KCTD3: variants seen among roughly 807,000 people sequenced by gnomAD.
The protein encoded by KCTD3 is BTB/POZ domain-containing protein KCTD3.
KCTD3 carries 41 observed loss-of-function variants against 85.8 expected under a neutral mutation model. The ratio of observed to expected loss-of-function variants is 0.48; its 90% confidence interval spans 0.37 to 0.62. The LOEUF is 0.62. Ranked by LOEUF, KCTD3 falls within the 20% of genes least tolerant of loss-of-function variation. The pLI is 0.00. For missense variants in KCTD3, 724 were observed against 989.9 expected, an observed-to-expected ratio of 0.73 and a Z score of 3.60; for synonymous variants, 338 against 345.4, an observed-to-expected ratio of 0.98 and a Z score of 0.24.
chr1:215,592,265 C>A (rs907309766), intron 9 of KCTD3, among the ~76,000 whole-genome samples: 2 of 152,092 alleles, frequency 1.3e-5, no homozygotes, highest in African/African-American at 4.8e-5. Context: ...ATGCAGCAAG[C>A]CAGGGGGAAT....
chr1:215,607,138 A>G (rs1655055856), intron 13 of KCTD3, among the ~76,000 whole-genome samples: 1 of 151,970 alleles, frequency 6.6e-6, no homozygotes, highest in Non-Finnish European at 1.5e-5. Flanking sequence ...ACTGTAGAAT[A>G]TGTAACACAT....
At chr1:215,602,041 A>T in intron 11 of KCTD3, 44 bp from the exon 12 acceptor site, 1 of 1,384,764 alleles carries the variant, frequency 7.2e-7, no homozygotes, top group Non-Finnish European at 1.0e-6. Flanking sequence ...TTTTAAATAG[A>T]TATGCTATTT....
intron 10 of KCTD3, among the ~76,000 whole-genome samples, chr1:215,598,768 G>T (rs1183718465): frequency 1.3e-5 from 2 of 152,092 alleles, no homozygotes; most frequent in Non-Finnish European, 2.9e-5. Context: ...TAAATTGACA[G>T]ACACGTCTGA....
At chr1:215,613,751 T>C (rs1655320399) in intron 15 of KCTD3, among the ~76,000 whole-genome samples, 1 of 152,160 alleles carries the variant, frequency 6.6e-6, no homozygotes, top group Admixed American at 6.6e-5. Flanking sequence ...ATTTATTGAA[T>C]AGGGAGTCTT....
chr1:215,573,964 G>T, intron 2 of KCTD3, 109 bp from the exon 3 acceptor site: 2 of 970,434 alleles, frequency 2.1e-6, no homozygotes, highest in Non-Finnish European at 1.5e-6. Flanking sequence ...TTTTGAACTT[G>T]GAAGATAGAT....
chr1:215,603,590 C>T (rs1206180722), intron 12 of KCTD3, among the ~76,000 whole-genome samples: 2 of 152,124 alleles, frequency 1.3e-5, no homozygotes, highest in Non-Finnish European at 2.9e-5. Flanking sequence ...ATATTTAATG[C>T]TTGATTATTT....
In KCTD3 at chr1:215,573,794, C is replaced by G; in HGVS notation, c.92C>G (p.Thr31Ser). Reference sequence around the variant, plus strand: ...ATGATTTTTAATTGCAGATTTAGTACCTCAAGACAAACTCTTATGTGGATT... The same window carrying G: ...ATGATTTTTAATTGCAGATTTAGTAGCTCAAGACAAACTCTTATGTGGATT... ...QLNVGGTRFSTSRQTLMWIPD... is the reference protein window; with the variant it reads ...QLNVGGTRFSSSRQTLMWIPD... The change falls in exon 2 of 18, where the codon ACC (threonine) becomes AGC (serine). Residue 31 changes from threonine to serine, a missense_variant. This residue lies in a region of KCTD3 where 97 missense variants were observed against 115.7 expected (regional missense o/e 0.84). Coordinates refer to ENST00000259154, the MANE Select transcript of KCTD3 (RefSeq NM_016121.5). The G allele has an allele frequency of 6.4e-7, 1 of 1,572,624 alleles. No individual in the cohort carries two copies. The highest frequency in any genetic ancestry group is 8.7e-7 in the Non-Finnish European group (1 of 1,148,970).
chr1:215,620,290 C>A lies in KCTD3; in HGVS notation c.2120C>A (p.Ser707Tyr), dbSNP rs772849762. ...VKGATGECNI[S>Y]ERKSPGVEIK... ...GGGGCAACAGGGGAATGTAATATAT[C>A]TGAGAGAAAGTCTCCTGGAGTAGAA... Residue 707 changes from serine (S) to tyrosine (Y), a missense_variant, in exon 18 of 18, where the codon TCT (serine) becomes TAT (tyrosine). By Grantham distance (144) the Ser-to-Tyr change is moderately radical (BLOSUM62 -2). This residue lies in a region of KCTD3 where 222 missense variants were observed against 217.7 expected (regional missense o/e 1.02). Transcript: ENST00000259154. 2 of 1,613,874 alleles carry A rather than the reference C, an allele frequency of 1.2e-6. No homozygotes were observed. The highest frequency in any genetic ancestry group is 3.3e-5 in the Admixed American group (2 of 59,992).
intron 9 of KCTD3, among the ~76,000 whole-genome samples, chr1:215,589,113 A>T (rs1042533216): frequency 5.9e-5 from 9 of 152,116 alleles, no homozygotes; most frequent in African/African-American, 2.2e-4. Context: ...TTTATTTAAA[A>T]TACTTAATTT....
At chr1:215,573,685 A>C (rs920190880) in intron 1 of KCTD3, 101 bp from the exon 2 acceptor site, 1 of 693,380 alleles carries the variant, frequency 1.4e-6, no homozygotes, top group Non-Finnish European at 2.5e-6. Flanking sequence ...TAACTATAAA[A>C]CATCTTGTAA....
At chr1:215,577,249 T>A (rs1229767370) in intron 4 of KCTD3, among the ~76,000 whole-genome samples, 3 of 152,076 alleles carry the variant, frequency 2.0e-5, no homozygotes, top group Non-Finnish European at 4.4e-5. Flanking sequence ...TAGATCATGC[T>A]CGCAGGGAAT....
intron 9 of KCTD3, among the ~76,000 whole-genome samples, chr1:215,591,417 GCGTGATCA>G (rs1269774224): frequency 6.6e-6 from 1 of 151,518 alleles, no homozygotes; most frequent in East Asian, 2.0e-4. Context: ...GAGTGCAGTG[GCGTGATCA>G]TGGCTGACTG....
At chr1:215,588,682 A>G (rs1364005830) in intron 9 of KCTD3, among the ~76,000 whole-genome samples, 1 of 152,148 alleles carries the variant, frequency 6.6e-6, no homozygotes, top group Non-Finnish European at 1.5e-5. Flanking sequence ...ATGCATTCAC[A>G]TAAAGGATTT....
chr1:215,619,213 C>T lies in KCTD3; in HGVS notation c.1808C>T (p.Thr603Ile). The T allele has an allele frequency of 6.2e-7, 1 of 1,613,890 alleles. No homozygotes were observed. The highest frequency in any genetic ancestry group is 8.5e-7 in the Non-Finnish European group (1 of 1,179,752). The change falls in exon 17 of 18, where the codon ACA (threonine) becomes ATA (isoleucine). Residue 603 changes from threonine to isoleucine, a missense_variant. This residue lies in a region of KCTD3 where 136 missense variants were observed against 197.6 expected (regional missense o/e 0.69). Coordinates refer to ENST00000259154, the MANE Select transcript of KCTD3 (RefSeq NM_016121.5). ...TTACTCGATCAATGTGATTTGAGCA[C>T]ATCTCGCTGTGCTACTCCTAACATC... Reference protein sequence around the residue: ...LKLLDQCDLSTSRCATPNISP... With the variant: ...LKLLDQCDLSISRCATPNISP...
At chr1:215,595,985 T>C (rs1047025404) in intron 10 of KCTD3, among the ~76,000 whole-genome samples, 1 of 152,152 alleles carries the variant, frequency 6.6e-6, no homozygotes, top group Non-Finnish European at 1.5e-5. Context: ...AAATGAAAAG[T>C]GGACTGGAGG....
chr1:215,618,492 T>G (rs1458130621), intron 15 of KCTD3: 1 of 168,630 alleles, frequency 5.9e-6, no homozygotes, highest in East Asian at 1.8e-4. Context: ...GGATAACTAA[T>G]TCAGTCAAGT....
chr1:215,573,320 A>G (rs1659437970), intron 1 of KCTD3, among the ~76,000 whole-genome samples: 1 of 152,174 alleles, frequency 6.6e-6, no homozygotes, highest in Non-Finnish European at 1.5e-5. Context: ...ATTGGACATG[A>G]AGAGAGTGAT....
chr1:215,604,052 A>G lies in KCTD3; in HGVS notation c.1139-80A>G. 2.7e-6 allele frequency: 3 copies of G among 1,100,348 alleles called. No homozygotes were observed. The South Asian group carries it at 5.2e-5, about 19-fold the overall frequency. The allele number at this position is 1,100,348 out of a possible 1,614,324, so 68.2% of individuals were successfully genotyped here. On this transcript the variant is annotated intron_variant, in intron 12 of 17. Coordinates refer to ENST00000259154, the MANE Select transcript of KCTD3 (RefSeq NM_016121.5). ...CAGTGAATCCAGCTCTGCCTATTTT[A>G]TCATAGGGAAGCTTTGCGAGGGTAG...
Position 215,613,937 on chromosome 1 carries a change from C to G in KCTD3, c.1562+2016C>G, listed in dbSNP as rs545283661. ...AGTTTAAAGTTGGGTAGTGTGACGT[C>G]TCTGGCTTTGTTCATTTGCTTAGGA... On this transcript the variant is annotated intron_variant, in intron 15 of 17. Transcript: ENST00000259154. Among the ~76,000 whole-genome samples the G allele has an allele frequency of 8.1e-5, 12 of 147,476 alleles. 1 individual carries two copies. The Middle Eastern group carries it at 0.015, about 182-fold the overall frequency.
Sources: gnomAD v4.1 joint callset for allele counts (sites outside exome capture counted in the v4.1 genomes callset) on GRCh38, gnomAD v4.1.1 for gene constraint, gnomAD v4.1.1 regional missense constraint, MANE v1.5 for transcripts, NCBI Gene and HGNC (gene_info 2026-07-23, HGNC 2026-07-21) for gene names.